The following JAKMIP3 variants were observed in gnomAD, a reference collection of about 807,000 sequenced individuals.
The protein encoded by JAKMIP3 is Janus kinase and microtubule interacting protein 3, also known as janus kinase and microtubule-interacting protein 3.
In JAKMIP3, 58 loss-of-function variants were observed where a neutral mutation model predicts 118.5. The ratio of observed to expected loss-of-function variants is 0.49; its 90% CI spans 0.40 to 0.61. The LOEUF (loss-of-function observed/expected upper bound fraction) is 0.61, where lower values mean the gene tolerates loss of function less well. Ranked by LOEUF, JAKMIP3 falls within the 20% of genes least tolerant of loss-of-function variation. The pLI, the probability that JAKMIP3 is intolerant of heterozygous loss-of-function variation, is 0.00. For missense variants in JAKMIP3, 950 were observed against 1,109.0 expected (o/e 0.86, Z 2.04); for synonymous variants, 486 against 451.2 (o/e 1.08, Z -0.98).
intron 1 of JAKMIP3, among the ~76,000 whole-genome samples, chr10:132,092,756 C>T (rs1334986950): frequency 6.6e-6 from 1 of 152,222 alleles, no homozygotes; most frequent in East Asian, 1.9e-4. Context: ...CGGAAGCCTA[C>T]TTCTGTCAAC....
chr10:132,180,719 G>A, intron 23 of JAKMIP3, among the ~76,000 whole-genome samples: 1 of 32,524 alleles, frequency 3.1e-5, no homozygotes, highest in African/African-American at 1.8e-4. Context: ...GCGTGTGTGT[G>A]CGTGTGTGTG....
At chr10:132,116,719 G>A (rs1294760732) in intron 2 of JAKMIP3, among the ~76,000 whole-genome samples, 2 of 40,396 alleles carry the variant, frequency 5.0e-5, no homozygotes, top group Admixed American at 3.0e-4. Flanking sequence ...CATCATGGAC[G>A]CTCCCCCCGA....
At chr10:132,113,960 C>T (rs11146189) in intron 2 of JAKMIP3, among the ~76,000 whole-genome samples, 26,969 of 152,210 alleles carry the variant, frequency 0.18, 2,464 homozygotes, top group East Asian at 0.2. Flanking sequence ...CTGTGCCGTG[C>T]GACTTTGTAG....
intron 1 of JAKMIP3, among the ~76,000 whole-genome samples, chr10:132,084,869 A>G (rs2042187413): frequency 6.6e-6 from 1 of 152,192 alleles, no homozygotes; most frequent in South Asian, 2.1e-4. Context: ...TATGTATTGT[A>G]TCACATTTAT....
chr10:132,054,499 G>A (rs896747361), intron 1 of JAKMIP3, among the ~76,000 whole-genome samples: 2 of 152,136 alleles, frequency 1.3e-5, no homozygotes, highest in Admixed American at 1.3e-4. Flanking sequence ...TGGCAGATAT[G>A]GGGGGAGACA....
At chr10:132,180,738 C>CGCGT (rs1565021635) in intron 23 of JAKMIP3, among the ~76,000 whole-genome samples, 2 of 7,468 alleles carry the variant, frequency 2.7e-4, no homozygotes, top group Admixed American at 1.0e-3. Context: ...TGCGTGTGTG[C>CGCGT]GTGCGTGCGC....
rs963069782 is a variant in JAKMIP3, at chr10:132,117,726, C to A, written c.633+152C>A. Among the ~76,000 whole-genome samples, 5 of 152,128 alleles carry A rather than the reference C, an allele frequency of 3.3e-5. No homozygotes were observed. Among genetic ancestry groups the A allele is most frequent in the African/African-American group, 9.7e-5 (4 of 41,418 alleles). On this transcript the variant is annotated intron_variant, in intron 3 of 23. Coordinates refer to ENST00000684848, the MANE Select transcript of JAKMIP3 (RefSeq NM_001323087.2). This position sits in a 1 kb window ranked among gnomAD's most constrained non-coding sequence, Gnocchi z 8.6. ...CCCCCCATGACATTCTTAGCACAGG[C>A]TCCTCATGCCACCCCTGTTGGTTTT...
Position 132,168,796 on chromosome 10 carries a change from A to G in JAKMIP3, c.*866A>G. On this transcript the variant is annotated 3_prime_UTR_variant, in exon 23 of 24. Transcript: ENST00000684848. Reference sequence around the variant, plus strand: ...ATGCCAGAGGCTGCCTCCATAGTGAATCTCCAGAAGTCACAGAGGCCCTGG... The same window carrying G: ...ATGCCAGAGGCTGCCTCCATAGTGAGTCTCCAGAAGTCACAGAGGCCCTGG... 4.3e-6 allele frequency: 1 copy of G among 233,202 alleles called. No homozygotes were observed. Among genetic ancestry groups the G allele is most frequent in the Admixed American group, 5.3e-5 (1 of 19,016 alleles). The allele number at this position is 233,202 out of a possible 1,614,324, so 14.4% of individuals were successfully genotyped here. A position where few individuals can be genotyped will look rare whatever the true frequency, so the allele number is the denominator to read the frequency against.
chr10:132,162,380 T>A (rs1408984690), intron 19 of JAKMIP3, among the ~76,000 whole-genome samples: 2 of 152,252 alleles, frequency 1.3e-5, no homozygotes, highest in African/African-American at 4.8e-5. Context: ...AAGCCAGCAC[T>A]TGACCAGGTT....
intron 1 of JAKMIP3, among the ~76,000 whole-genome samples, chr10:132,096,297 A>G (rs986197716): frequency 6.6e-6 from 1 of 152,190 alleles, no homozygotes; most frequent in African/African-American, 2.4e-5. Context: ...GTTGCTGCCA[A>G]TTCTTATATC....
intron 1 of JAKMIP3, among the ~76,000 whole-genome samples, chr10:132,089,400 G>GTTC (rs1243701739): frequency 1.3e-5 from 2 of 152,154 alleles, no homozygotes; most frequent in Non-Finnish European, 2.9e-5. Context: ...GTGGTTTGTA[G>GTTC]TTCTCCTTGA....
Position 132,040,401 on chromosome 10 carries a change from G to A in JAKMIP3, c.-138+3663G>A, listed in dbSNP as rs570929325. 3.3e-5 allele frequency among the ~76,000 whole-genome samples: 5 copies of A among 152,190 alleles called. No individual in the cohort carries two copies. In the South Asian group the frequency reaches 8.3e-4, roughly 25 times the overall value. ...CTGACCGAGACAGGGCCCTCCCCTCGCTCCGTATCTATACATCTGCTGGCT... is the reference window on the plus strand; with the variant it reads ...CTGACCGAGACAGGGCCCTCCCCTCACTCCGTATCTATACATCTGCTGGCT... On this transcript the variant is annotated intron_variant, in intron 1 of 23. Coordinates refer to the JAKMIP3 transcript ENST00000657785.
At chr10:132,102,746 C>T (rs1440771504) in intron 1 of JAKMIP3, among the ~76,000 whole-genome samples, 1 of 152,216 alleles carries the variant, frequency 6.6e-6, no homozygotes, top group African/African-American at 2.4e-5. Flanking sequence ...CGTCCTGCCA[C>T]CTCCGCTGGT....
Position 132,177,084 on chromosome 10 carries a change from C to T in JAKMIP3, c.*1104-5273C>T, listed in dbSNP as rs566952082. Among the ~76,000 whole-genome samples the T allele has an allele frequency of 1.4e-4, 21 of 152,356 alleles. No individual in the cohort carries two copies. The East Asian group carries it at 2.7e-3, about 20-fold the overall frequency. The stretch of plus-strand genomic sequence containing the variant: ...ACTTGAAACCATGAGTCCCCCTCCC[C>T]GCTTTATTGCTCTATTGTCTAATTT... On this transcript the variant is annotated intron_variant, in intron 23 of 23. Transcript: ENST00000684848.
At chr10:132,139,394 GTA>G (rs1426365799) in intron 9 of JAKMIP3, among the ~76,000 whole-genome samples, 1 of 141,662 alleles carries the variant, frequency 7.1e-6, no homozygotes, top group East Asian at 2.1e-4. Context: ...GAGTGTATGA[GTA>G]TGTGAGTGTG....
At chr10:132,167,566 A>G (rs1209046430) in intron 22 of JAKMIP3, among the ~76,000 whole-genome samples, 2 of 152,120 alleles carry the variant, frequency 1.3e-5, no homozygotes, top group South Asian at 2.1e-4. Context: ...GGCTGCTGCT[A>G]CCATGGCACC....
intron 8 of JAKMIP3, 138 bp downstream of exon 8, chr10:132,137,427 A>G (rs2052030535): frequency 4.7e-6 from 5 of 1,069,306 alleles, no homozygotes; most frequent in Non-Finnish European, 5.5e-6. Flanking sequence ...TTGTTGTTGC[A>G]GTGCCACCTG....
intron 9 of JAKMIP3, 77 bp downstream of exon 9, chr10:132,138,255 A>G: frequency 7.4e-7 from 1 of 1,344,614 alleles, no homozygotes; most frequent in East Asian, 2.5e-5. Flanking sequence ...GTGTGTGGAG[A>G]GCGCTGGTGT....
At chr10:132,101,539 G>C (rs192626230) in intron 1 of JAKMIP3, among the ~76,000 whole-genome samples, 1 of 152,174 alleles carries the variant, frequency 6.6e-6, no homozygotes, top group Non-Finnish European at 1.5e-5. Context: ...CTATGGGAAC[G>C]ACAACTGTCT....
Sources: allele counts gnomAD v4.1 joint callset (sites outside exome capture counted in the v4.1 genomes callset), GRCh38; gene constraint gnomAD v4.1.1; non-coding constraint Gnocchi (gnomAD v3.1); transcripts MANE v1.5; gene names NCBI Gene and HGNC (gene_info 2026-07-23, HGNC 2026-07-21).